Variants in ACER3 observed in about 807,000 individuals in gnomAD.
ACER3 encodes alkaline ceramidase 3, also known as alkCDase 3.
In ACER3, 16 loss-of-function variants were observed where a neutral mutation model predicts 48.9. The observed-to-expected ratio is 0.33, with a 90% CI of 0.22 to 0.50. The LOEUF (loss-of-function observed/expected upper bound fraction) is 0.50. Ranked by LOEUF, ACER3 falls within the 20% of genes least tolerant of loss-of-function variation. The pLI is 0.98. For missense variants in ACER3, 227 were observed against 326.0 expected (o/e 0.70, Z 2.34); for synonymous variants, 109 against 107.8 (o/e 1.01, Z -0.07).
chr11:76,946,913 T>C (rs1947489008), intron 2 of ACER3, among the ~76,000 whole-genome samples: 1 of 152,184 alleles, frequency 6.6e-6, no homozygotes, highest in Non-Finnish European at 1.5e-5. Flanking sequence ...CTAGCCAAGA[T>C]TGTAAAAGCC....
chr11:76,927,851 A>T (rs12283933), intron 2 of ACER3, among the ~76,000 whole-genome samples: 3,288 of 152,120 alleles, frequency 0.022, 120 homozygotes, highest in African/African-American at 0.076. Flanking sequence ...TTCTTAATCC[A>T]TTCTATCATT....
chr11:76,880,107 C>T (rs1320237330), intron 1 of ACER3, among the ~76,000 whole-genome samples: 2 of 151,714 alleles, frequency 1.3e-5, no homozygotes, highest in South Asian at 2.1e-4. Context: ...ATGGTTTATT[C>T]GATTTTATTA....
At chr11:76,924,429 C>T (rs912323557) in intron 1 of ACER3, among the ~76,000 whole-genome samples, 1 of 151,966 alleles carries the variant, frequency 6.6e-6, no homozygotes, top group African/African-American at 2.4e-5. Context: ...CTCTAGAACT[C>T]CTGGGCTCAA....
chr11:76,998,860 A>G (rs781882103), intron 7 of ACER3, 39 bp downstream of exon 7: 3 of 1,464,328 alleles, frequency 2.0e-6, no homozygotes, highest in South Asian at 2.5e-5. Flanking sequence ...ACTGAAGTAT[A>G]TTCAGACCTA....
chr11:76,920,264 C>T (rs1175698925), intron 1 of ACER3, among the ~76,000 whole-genome samples: 1 of 152,186 alleles, frequency 6.6e-6, no homozygotes, highest in Non-Finnish European at 1.5e-5. Flanking sequence ...TGGTCAGTAG[C>T]ATCCCCTGCC....
At chr11:76,868,562 C>T (rs1378579266) in intron 1 of ACER3, among the ~76,000 whole-genome samples, 1 of 152,018 alleles carries the variant, frequency 6.6e-6, no homozygotes, top group African/African-American at 2.4e-5. Context: ...CTTCCCCTGC[C>T]CTTCTTTCAC....
chr11:76,915,879 C>T (rs912924564), intron 1 of ACER3, among the ~76,000 whole-genome samples: 3 of 152,168 alleles, frequency 2.0e-5, no homozygotes, highest in Non-Finnish European at 2.9e-5. Context: ...GTCTCAAGAA[C>T]AGCATGGGGG....
chr11:76,877,232 A>G (rs1945404353), intron 1 of ACER3, among the ~76,000 whole-genome samples: 1 of 152,146 alleles, frequency 6.6e-6, no homozygotes, highest in Admixed American at 6.5e-5. Context: ...TGGAAAAAAA[A>G]TCTTTGACTC....
chr11:76,960,529 G>GTTA (rs1947961671), intron 3 of ACER3, among the ~76,000 whole-genome samples: 2 of 151,774 alleles, frequency 1.3e-5, no homozygotes, highest in South Asian at 4.2e-4. Context: ...CTTAAATCTG[G>GTTA]TTATTATACC....
chr11:76,888,631 C>T (rs772233381), intron 1 of ACER3, among the ~76,000 whole-genome samples: 3 of 152,088 alleles, frequency 2.0e-5, no homozygotes, highest in Non-Finnish European at 2.9e-5. Flanking sequence ...GGAAGCTGCC[C>T]TTGGCTCCTG....
In ACER3 at chr11:76,968,265, A is replaced by G. The variant is rs1385936284; in HGVS notation, c.268-8024A>G. On this transcript the variant is annotated intron_variant, in intron 3 of 10. Transcript: ENST00000532485. ...GTGAAGGACGTCTTCAAGGAGAACT[A>G]CAAACCACTGCTCAAGGAAATAAAA... is the stretch of plus-strand genomic sequence containing the variant. Among the ~76,000 whole-genome samples the G allele has an allele frequency of 4.0e-5, 6 of 150,850 alleles. No individual in the cohort carries two copies. The East Asian group carries it at 9.7e-4, about 24-fold the overall frequency.
chr11:76,916,226 T>G, intron 1 of ACER3, among the ~76,000 whole-genome samples: 1 of 152,326 alleles, frequency 6.6e-6, no homozygotes, highest in South Asian at 2.1e-4. Context: ...AGAATAACTT[T>G]ATTACATCAT....
At chr11:76,869,327 T>C (rs1349061704) in intron 1 of ACER3, among the ~76,000 whole-genome samples, 3 of 152,222 alleles carry the variant, frequency 2.0e-5, no homozygotes, top group Admixed American at 6.5e-5. Context: ...TGAGTTGATA[T>C]ATGCAGACAG....
chr11:77,014,499 A>ATG (rs1182887285), intron 7 of ACER3, among the ~76,000 whole-genome samples: 6 of 152,062 alleles, frequency 3.9e-5, no homozygotes, highest in Admixed American at 2.0e-4. Flanking sequence ...TAATGAATGA[A>ATG]TGTGTGTGTG....
At chr11:77,011,248 C>A in intron 7 of ACER3, 1 of 783,134 alleles carries the variant, frequency 1.3e-6, no homozygotes, top group Non-Finnish European at 1.5e-6. Flanking sequence ...CTTAGCCTTG[C>A]ATGGACCATG....
At position 77,021,980 on chromosome 11, in the gene ACER3, A is replaced by G. The variant is rs10793231; in HGVS notation, c.*1653A>G. 91,095 of 152,018 alleles carry G rather than the reference A, an allele frequency of 0.6. 30,849 individuals carry two copies. Among genetic ancestry groups the G allele is most frequent in the Non-Finnish European group, 0.76 (51,977 of 67,966 alleles). 9.4% of individuals were successfully genotyped at this position (152,018 alleles called of 1,614,324 possible). ...TTTGATTCTGCCTTAAGAGGGTATA[A>G]AACTAAACCATTTGAAGGCACAGCC... On this transcript the variant is annotated 3_prime_UTR_variant, in exon 11 of 11. Transcript: ENST00000532485.
At chr11:76,998,694 G>T in intron 6 of ACER3, 69 bp from the exon 7 acceptor site, 2 of 1,081,410 alleles carry the variant, frequency 1.8e-6, no homozygotes, top group South Asian at 1.5e-5. Flanking sequence ...GGCTATTTTG[G>T]TAGGCAAAAT....
chr11:76,868,084 C>A, intron 1 of ACER3: 1 of 1,287,960 alleles, frequency 7.8e-7, no homozygotes, highest in Non-Finnish European at 1.0e-6. Context: ...CTGCTTGTAG[C>A]CCTTTGCTAT....
intron 1 of ACER3, among the ~76,000 whole-genome samples, chr11:76,887,673 A>C (rs1019120888): frequency 2.6e-5 from 4 of 152,198 alleles, no homozygotes; most frequent in Admixed American, 1.3e-4. Context: ...AAGTGCTACC[A>C]TTCAGAAGGG....
Sources: gnomAD v4.1 joint callset for allele counts (sites outside exome capture counted in the v4.1 genomes callset) on GRCh38, gnomAD v4.1.1 for gene constraint, MANE v1.5 for transcripts, NCBI Gene and HGNC (gene_info 2026-07-23, HGNC 2026-07-21) for gene names.